Variants in EYS observed in about 807,000 individuals in gnomAD.
The protein encoded by EYS is EGF-like photoreceptor maintenance factor, also known as protein eyes shut homolog.
Under a neutral mutation model 282.1 loss-of-function variants are expected in EYS, and 250 were observed. The ratio of observed to expected loss-of-function variants is 0.89; its 90% confidence interval spans 0.80 to 0.98. The LOEUF (loss-of-function observed/expected upper bound fraction) is 0.98, where lower values mean the gene tolerates loss of function less well. Ranked by LOEUF, EYS falls within the 50% of genes least tolerant of loss-of-function variation. The probability of loss-of-function intolerance (pLI) is 0.00; values close to 1 mark genes in which losing one functional copy is unlikely to be tolerated. For missense variants in EYS, 4,016 were observed against 3,709.0 expected, an observed-to-expected ratio of 1.08 and a Z score of -2.15; for synonymous variants, 1,355 against 1,282.9, an observed-to-expected ratio of 1.06 and a Z score of -1.20.
intron 13 of EYS, among the ~76,000 whole-genome samples, chr6:65,038,750 T>A (rs573391547): frequency 6.6e-6 from 1 of 151,628 alleles, no homozygotes; most frequent in South Asian, 2.1e-4. Flanking sequence ...TTCAATAATT[T>A]TTTTATTAAC....
At chr6:63,813,171 G>A (rs941808310) in intron 36 of EYS, among the ~76,000 whole-genome samples, 3 of 151,996 alleles carry the variant, frequency 2.0e-5, no homozygotes, top group Non-Finnish European at 4.4e-5. Context: ...GTAGAGATGG[G>A]GTTTCACCGT....
At chr6:64,775,678 G>T (rs546809498) in intron 22 of EYS, among the ~76,000 whole-genome samples, 2 of 151,806 alleles carry the variant, frequency 1.3e-5, no homozygotes, top group African/African-American at 4.8e-5. Context: ...TGGAAGTCAG[G>T]ACCACAGTAT....
At chr6:64,851,384 T>G (rs1765880791) in intron 19 of EYS, among the ~76,000 whole-genome samples, 1 of 152,136 alleles carries the variant, frequency 6.6e-6, no homozygotes, top group Non-Finnish European at 1.5e-5. Flanking sequence ...AAATAATTTA[T>G]GTTCTAGAGT....
At chr6:64,433,808 A>T (rs1382817661) in intron 28 of EYS, among the ~76,000 whole-genome samples, 1 of 152,032 alleles carries the variant, frequency 6.6e-6, no homozygotes, top group Middle Eastern at 3.2e-3. Flanking sequence ...TTACTTTAAA[A>T]ATACAGACTG....
At chr6:64,309,107 A>T (rs1348059945) in intron 29 of EYS, among the ~76,000 whole-genome samples, 7 of 152,176 alleles carry the variant, frequency 4.6e-5, no homozygotes, top group Admixed American at 4.6e-4. Context: ...AATGATAGTG[A>T]ATGTTCAAAC....
At chr6:65,419,287 A>T (rs1049857539) in intron 5 of EYS, among the ~76,000 whole-genome samples, 2 of 151,998 alleles carry the variant, frequency 1.3e-5, no homozygotes, top group Non-Finnish European at 2.9e-5. Context: ...AGAATATTAA[A>T]ATAGAAATTT....
At chr6:64,083,078 T>A (rs1772028652) in intron 31 of EYS, among the ~76,000 whole-genome samples, 1 of 151,934 alleles carries the variant, frequency 6.6e-6, no homozygotes. Context: ...CTGGCTAACT[T>A]TTGTATTTTT....
chr6:65,061,356 C>G (rs954599615), intron 12 of EYS, among the ~76,000 whole-genome samples: 7 of 152,000 alleles, frequency 4.6e-5, no homozygotes, highest in African/African-American at 1.4e-4. Flanking sequence ...AACAATCAAG[C>G]ATTCTACATC....
At chr6:64,328,749 G>A (rs530329072) in intron 29 of EYS, among the ~76,000 whole-genome samples, 1 of 152,332 alleles carries the variant, frequency 6.6e-6, no homozygotes, top group South Asian at 2.1e-4. Context: ...GGAAAAGGCA[G>A]ACTTGCTGGT....
chr6:64,555,494 A>G (rs1421961928), intron 26 of EYS, among the ~76,000 whole-genome samples: 1 of 151,924 alleles, frequency 6.6e-6, no homozygotes, highest in Admixed American at 6.6e-5. Flanking sequence ...GATTATTTTG[A>G]GTGTTATTAC....
chr6:64,311,271 G>A (rs991506827), intron 29 of EYS, among the ~76,000 whole-genome samples: 7 of 151,570 alleles, frequency 4.6e-5, no homozygotes, highest in African/African-American at 1.7e-4. Context: ...AGTAATAGAA[G>A]GGAAACAAAG....
chr6:65,396,957 A>G (rs745426714), intron 7 of EYS, among the ~76,000 whole-genome samples: 1 of 151,714 alleles, frequency 6.6e-6, no homozygotes, highest in Non-Finnish European at 1.5e-5. Context: ...AATATAAACT[A>G]TTTTGAACTT....
intron 35 of EYS, among the ~76,000 whole-genome samples, chr6:63,917,735 A>G (rs1222894826): frequency 1.3e-5 from 2 of 152,236 alleles, no homozygotes; most frequent in Admixed American, 1.3e-4. Flanking sequence ...CACAGCTTTT[A>G]TGATGAGTCC....
rs542458887 is a variant in EYS, at chr6:64,955,621, A to T, written c.2260-9707T>A. ...ATGTCCTGAATATGACCCAGAGCTA[A>T]TTGTAATATCATCGGCATTGCAGTT... On this transcript the variant is annotated intron_variant, in intron 14 of 42. Coordinates refer to ENST00000503581, the MANE Select transcript of EYS (RefSeq NM_001142800.2). Among the ~76,000 whole-genome samples, 3 of 152,274 alleles carry T rather than the reference A, an allele frequency of 2.0e-5. No homozygotes were observed. The South Asian group carries it at 6.2e-4, about 32-fold the overall frequency.
intron 26 of EYS, among the ~76,000 whole-genome samples, chr6:64,517,699 CAT>C (rs1777605128): frequency 6.6e-6 from 1 of 151,740 alleles, no homozygotes; most frequent in Non-Finnish European, 1.5e-5. Flanking sequence ...AATTACTTCT[CAT>C]ATTGAAACTT....
At chr6:64,042,108 G>A (rs920594645) in intron 33 of EYS, among the ~76,000 whole-genome samples, 3 of 152,268 alleles carry the variant, frequency 2.0e-5, no homozygotes, top group African/African-American at 7.2e-5. Flanking sequence ...AATGATGAAC[G>A]AGAGCGGAAA....
intron 22 of EYS, among the ~76,000 whole-genome samples, chr6:64,676,582 C>A (rs976828831): frequency 1.3e-5 from 2 of 152,014 alleles, no homozygotes; most frequent in Non-Finnish European, 2.9e-5. Context: ...TAACTGTTAA[C>A]ATTTTGCCAT....
intron 31 of EYS, among the ~76,000 whole-genome samples, chr6:64,166,739 G>C (rs1764301687): frequency 6.6e-6 from 1 of 152,164 alleles, no homozygotes; most frequent in Non-Finnish European, 1.5e-5. Context: ...TTCAACTTCG[G>C]AGTGAATTAC....
rs536577980 is a variant in EYS, at chr6:63,929,844, A to G, written c.7055+54539T>C. On this transcript the variant is annotated intron_variant, in intron 35 of 42. Transcript: ENST00000503581. Reference sequence around the variant, plus strand: ...ATTTTACTTTTTCTTGATCAATCAAATTCTGTTAATTTTATGCTAAGGAAG... The same window carrying G: ...ATTTTACTTTTTCTTGATCAATCAAGTTCTGTTAATTTTATGCTAAGGAAG... Among the ~76,000 whole-genome samples, 52 of 152,262 alleles carry G rather than the reference A, an allele frequency of 3.4e-4. No individual in the cohort carries two copies. In the South Asian group the frequency reaches 0.01, roughly 30 times the overall value.
Sources: allele counts gnomAD v4.1 joint callset (sites outside exome capture counted in the v4.1 genomes callset), GRCh38; gene constraint gnomAD v4.1.1; transcripts MANE v1.5; gene names NCBI Gene and HGNC (gene_info 2026-07-23, HGNC 2026-07-21).